Variants in GRIN2A observed in about 807,000 individuals in gnomAD.
The protein encoded by GRIN2A is glutamate receptor ionotropic, NMDA 2A.
In GRIN2A, 22 loss-of-function variants were observed where a neutral mutation model predicts 113.4. That is an observed-to-expected ratio of 0.19 (90% CI 0.14 to 0.28). The LOEUF is 0.28. GRIN2A is among the 10% of genes least tolerant of loss of function. The pLI is 1.00. For missense variants in GRIN2A, 1,502 were observed against 1,887.0 expected (o/e 0.80, Z 3.78); for synonymous variants, 827 against 738.4 (o/e 1.12, Z -1.94).
At chr16:9,880,233 G>C (rs999595921) in intron 4 of GRIN2A, among the ~76,000 whole-genome samples, 10 of 152,164 alleles carry the variant, frequency 6.6e-5, no homozygotes, top group African/African-American at 2.4e-4. Flanking sequence ...TCTGAGGTCA[G>C]CTAGGGACTG....
intron 8 of GRIN2A, among the ~76,000 whole-genome samples, chr16:9,832,569 A>G (rs1269319919): frequency 1.3e-5 from 2 of 152,232 alleles, no homozygotes; most frequent in African/African-American, 2.4e-5. Context: ...TATTTGATTT[A>G]CCACATTATC....
intron 10 of GRIN2A, among the ~76,000 whole-genome samples, chr16:9,819,503 C>T (rs35788173): frequency 0.31 from 46,123 of 149,466 alleles, 7,732 homozygotes; most frequent in African/African-American, 0.45. Flanking sequence ...ACCTGGGTGA[C>T]AGAGTGAGAC....
intron 2 of GRIN2A, among the ~76,000 whole-genome samples, chr16:10,052,760 G>C (rs917437687): frequency 6.6e-6 from 1 of 152,144 alleles, no homozygotes; most frequent in East Asian, 1.9e-4. Flanking sequence ...AGAATACAGA[G>C]AGTGAGGCCA....
intron 2 of GRIN2A, among the ~76,000 whole-genome samples, chr16:10,042,951 C>G (rs2047192264): frequency 6.6e-6 from 1 of 152,290 alleles, no homozygotes; most frequent in East Asian, 1.9e-4. Context: ...TACCACTGGG[C>G]CACTGAATCC....
chr16:10,128,538 G>A (rs1309931822), intron 2 of GRIN2A, among the ~76,000 whole-genome samples: 3 of 152,154 alleles, frequency 2.0e-5, no homozygotes, highest in African/African-American at 7.2e-5. Context: ...AACCAGCCTT[G>A]GAATGCAGAG....
chr16:10,060,505 T>C (rs771829695), intron 2 of GRIN2A, among the ~76,000 whole-genome samples: 3 of 152,346 alleles, frequency 2.0e-5, no homozygotes, highest in African/African-American at 4.8e-5. Flanking sequence ...AAATTTATAG[T>C]CTTTCCTCTG....
chr16:10,034,323 G>A (rs2046983678), intron 2 of GRIN2A, among the ~76,000 whole-genome samples: 1 of 151,852 alleles, frequency 6.6e-6, no homozygotes, highest in Non-Finnish European at 1.5e-5. Context: ...CCAGAAGTGC[G>A]AGACCATCTT....
rs562405069 is a variant in GRIN2A at position 9,984,285 on chromosome 16, T to G, written c.415-45734A>C. On this transcript the variant is annotated intron_variant, in intron 2 of 12. Coordinates refer to ENST00000330684, the MANE Select transcript of GRIN2A (RefSeq NM_001134407.3). ...TTCTGCATATTAATCCCTTGTCAGTTGAGTAGTTTGCAAATATTTTCTCTC... is the reference window on the plus strand; with the variant it reads ...TTCTGCATATTAATCCCTTGTCAGTGGAGTAGTTTGCAAATATTTTCTCTC... Among the ~76,000 whole-genome samples the G allele has an allele frequency of 7.2e-5, 11 of 152,316 alleles. No homozygotes were observed. The East Asian group carries it at 2.1e-3, about 29-fold the overall frequency.
chr16:10,100,088 G>T (rs1181503106), intron 2 of GRIN2A, among the ~76,000 whole-genome samples: 1 of 152,194 alleles, frequency 6.6e-6, no homozygotes, highest in South Asian at 2.1e-4. Context: ...ACAGGTGAAG[G>T]GGGGACATGA....
intron 3 of GRIN2A, among the ~76,000 whole-genome samples, chr16:9,904,728 T>C (rs1053198843): frequency 9.9e-5 from 15 of 152,126 alleles, no homozygotes; most frequent in Admixed American, 6.5e-5. Flanking sequence ...CCTCATGACA[T>C]CATCTAACCC....
chr16:9,929,836 C>T (rs1220093733), intron 3 of GRIN2A, among the ~76,000 whole-genome samples: 1 of 152,164 alleles, frequency 6.6e-6, no homozygotes, highest in African/African-American at 2.4e-5. Context: ...TTACATCTGG[C>T]CTAAGGCAAA....
chr16:9,964,892 C>T (rs2045520677), intron 2 of GRIN2A, among the ~76,000 whole-genome samples: 1 of 152,222 alleles, frequency 6.6e-6, no homozygotes, highest in African/African-American at 2.4e-5. Flanking sequence ...AGCCATTATT[C>T]TTCCTATCAC....
At chr16:10,153,952 G>C (rs1036753069) in intron 2 of GRIN2A, among the ~76,000 whole-genome samples, 1 of 152,116 alleles carries the variant, frequency 6.6e-6, no homozygotes, top group Admixed American at 6.5e-5. Context: ...TATTCACAAG[G>C]CTCCCCTCCT....
chr16:9,808,885 C>CATAT (rs2042032362), intron 10 of GRIN2A, among the ~76,000 whole-genome samples: 1 of 152,040 alleles, frequency 6.6e-6, no homozygotes. Context: ...TTAACACAGC[C>CATAT]ATATGACTGA....
intron 2 of GRIN2A, among the ~76,000 whole-genome samples, chr16:10,135,119 G>C (rs1397493619): frequency 6.6e-6 from 1 of 152,168 alleles, no homozygotes; most frequent in South Asian, 2.1e-4. Flanking sequence ...ACTAAAAGGA[G>C]CAAGAAGAAA....
At chr16:10,030,136 G>A (rs1444100513) in intron 2 of GRIN2A, among the ~76,000 whole-genome samples, 3 of 152,020 alleles carry the variant, frequency 2.0e-5, no homozygotes, top group Non-Finnish European at 2.9e-5. Context: ...GGACAGGAAG[G>A]GATCATTTTC....
At chr16:9,963,852 C>A (rs948270544) in intron 2 of GRIN2A, among the ~76,000 whole-genome samples, 2 of 152,200 alleles carry the variant, frequency 1.3e-5, no homozygotes, top group African/African-American at 2.4e-5. Context: ...AAACTCCCTG[C>A]CTCATGGGGC....
rs1309428568 is a variant in GRIN2A at position 9,763,369 on chromosome 16, G to A, written c.4175C>T (p.Pro1392Leu). ...ATAGCTGTCATTCACCGCCTGGGAT[G>A]GCAACGAGTGTTTGTAAGGGTCCGA... is the stretch of plus-strand genomic sequence containing the variant. ...CPSDPYKHSL[P>L]SQAVNDSYLR... is the part of the protein sequence containing the mutation. Residue 1392 changes from proline to leucine, a missense_variant, in exon 13 of 13, where the codon CCA becomes CTA. Physicochemically the swap from Pro to Leu is moderately conservative, Grantham distance 98. Transcript: ENST00000330684. 1 of 1,614,140 alleles carries A rather than the reference G, an allele frequency of 6.2e-7. No homozygotes were observed.
At chr16:10,093,225 A>G (rs2048218920) in intron 2 of GRIN2A, among the ~76,000 whole-genome samples, 1 of 152,198 alleles carries the variant, frequency 6.6e-6, no homozygotes, top group African/African-American at 2.4e-5. Context: ...GTATGTCATA[A>G]TAACAGATGG....
Sources: allele counts gnomAD v4.1 joint callset (sites outside exome capture counted in the v4.1 genomes callset), GRCh38; gene constraint gnomAD v4.1.1; transcripts MANE v1.5; gene names NCBI Gene and HGNC (gene_info 2026-07-23, HGNC 2026-07-21).